Variants in GPC6 observed in about 807,000 individuals in gnomAD.
GPC6 encodes the protein glypican-6.
GPC6 carries 14 observed loss-of-function variants against 55.2 expected under a neutral mutation model. The observed-to-expected ratio is 0.25, with a 90% CI of 0.17 to 0.40. The LOEUF (loss-of-function observed/expected upper bound fraction) is 0.40. Among genes scored for constraint, GPC6 ranks in the 10% least tolerant of loss-of-function variants. The pLI, the probability that GPC6 is intolerant of heterozygous loss-of-function variation, is 1.00. For synonymous variants in GPC6, 278 were observed against 259.6 expected, an observed-to-expected ratio of 1.07 and a Z score of -0.68; for missense variants, 641 against 708.5, an observed-to-expected ratio of 0.90 and a Z score of 1.08.
At chr13:93,806,403 T>C (rs901544264) in intron 2 of GPC6, among the ~76,000 whole-genome samples, 1 of 152,206 alleles carries the variant, frequency 6.6e-6, no homozygotes, top group African/African-American at 2.4e-5. Flanking sequence ...AATGGCGCAG[T>C]CGCGGCTCAC....
intron 3 of GPC6, among the ~76,000 whole-genome samples, chr13:93,895,232 G>GTGTGTGTGTGTA (rs1477948797): frequency 1.4e-4 from 10 of 73,372 alleles, no homozygotes; most frequent in African/African-American, 5.6e-4. Flanking sequence ...ATGTGTGTGT[G>GTGTGTGTGTGTA]TGTATATATA....
intron 2 of GPC6, among the ~76,000 whole-genome samples, chr13:93,746,436 G>A (rs74586966): frequency 0.04 from 6,143 of 152,094 alleles, 407 homozygotes; most frequent in African/African-American, 0.14. Flanking sequence ...GCTGCTTTTC[G>A]GTAGAAATGT....
intron 4 of GPC6, among the ~76,000 whole-genome samples, chr13:94,065,321 T>C (rs570756635): frequency 3.9e-5 from 6 of 152,266 alleles, no homozygotes; most frequent in African/African-American, 1.4e-4. Flanking sequence ...AAATGAATGC[T>C]AGGCACTCAG....
At position 93,372,076 on chromosome 13, in the gene GPC6, C is replaced by T. The variant is rs1254486834; in HGVS notation, c.160+144460C>T. On this transcript the variant is annotated intron_variant, in intron 1 of 8. Transcript: ENST00000377047. ...AAGATACACTTTGGGATTAGCTTAA[C>T]TCTGATGGACTTTGCTTTCATTAAT... Among the ~76,000 whole-genome samples, 4 of 152,168 alleles carry T rather than the reference C, an allele frequency of 2.6e-5. No individual in the cohort carries two copies. The East Asian group carries it at 7.7e-4, about 29-fold the overall frequency.
intron 2 of GPC6, among the ~76,000 whole-genome samples, chr13:93,560,459 G>A (rs1023354895): frequency 3.9e-5 from 6 of 152,042 alleles, no homozygotes; most frequent in African/African-American, 1.4e-4. Flanking sequence ...GGTCCAGGCT[G>A]CAGTGACCCA....
intron 2 of GPC6, among the ~76,000 whole-genome samples, chr13:93,585,598 TG>T (rs1877156093): frequency 6.6e-6 from 1 of 152,248 alleles, no homozygotes; most frequent in Admixed American, 6.5e-5. Context: ...TTAATAATTT[TG>T]GTCTTCTTCA....
chr13:93,914,547 A>G (rs1877191512), intron 3 of GPC6, among the ~76,000 whole-genome samples: 1 of 152,344 alleles, frequency 6.6e-6, no homozygotes, highest in Admixed American at 6.5e-5. Context: ...GATCCATTGA[A>G]GTTAAAGACC....
At chr13:94,289,387 C>T (rs1874818585) in intron 5 of GPC6, among the ~76,000 whole-genome samples, 1 of 152,138 alleles carries the variant, frequency 6.6e-6, no homozygotes, top group Non-Finnish European at 1.5e-5. Flanking sequence ...TCACTTAAAA[C>T]TAAAAGAGCT....
intron 5 of GPC6, among the ~76,000 whole-genome samples, chr13:94,300,814 T>C (rs1875610020): frequency 6.6e-6 from 1 of 152,206 alleles, no homozygotes; most frequent in East Asian, 1.9e-4. Flanking sequence ...TAAGTTGGCT[T>C]ATCCTGCAGC....
At chr13:93,560,643 C>T (rs1875731867) in intron 2 of GPC6, among the ~76,000 whole-genome samples, 1 of 151,810 alleles carries the variant, frequency 6.6e-6, no homozygotes, top group African/African-American at 2.4e-5. Flanking sequence ...ATCATGAGGT[C>T]AGGAGATCGA....
chr13:93,420,940 A>G (rs1876899858), intron 1 of GPC6, among the ~76,000 whole-genome samples: 1 of 152,104 alleles, frequency 6.6e-6, no homozygotes, highest in African/African-American at 2.4e-5. Flanking sequence ...TGTCAGGGTC[A>G]TGGTGGATCC....
chr13:93,480,142 C>G (rs372512203), intron 1 of GPC6, among the ~76,000 whole-genome samples: 2 of 152,166 alleles, frequency 1.3e-5, no homozygotes, highest in South Asian at 2.1e-4. Context: ...GCTTTTGTCT[C>G]TGTGTCTCCA....
At chr13:93,915,927 G>A (rs1399667525) in intron 3 of GPC6, among the ~76,000 whole-genome samples, 10 of 152,278 alleles carry the variant, frequency 6.6e-5, no homozygotes, top group South Asian at 6.2e-4. Context: ...TGGAAGTGCC[G>A]GGAAAAGAGC....
In GPC6 at chr13:94,040,153, C is replaced by A. The variant is rs1015591513; in HGVS notation, c.877+12259C>A. 5.9e-5 allele frequency among the ~76,000 whole-genome samples: 9 copies of A among 151,750 alleles called. No homozygotes were observed. In the South Asian group the frequency reaches 1.9e-3, roughly 31 times the overall value. On this transcript the variant is annotated intron_variant, in intron 4 of 8. Coordinates refer to ENST00000377047, the MANE Select transcript of GPC6 (RefSeq NM_005708.5). ...AAATCTAGAATTACGTTCTTCTGGC[C>A]ATTACCAAGTTCTAGATTTTAAGCT...
At chr13:93,255,529 C>G (rs537418220) in intron 1 of GPC6, among the ~76,000 whole-genome samples, 1 of 152,088 alleles carries the variant, frequency 6.6e-6, no homozygotes, top group African/African-American at 2.4e-5. Flanking sequence ...GTTTTTTTCC[C>G]CCTACATGGA....
intron 1 of GPC6, among the ~76,000 whole-genome samples, chr13:93,541,846 T>C (rs1414341362): frequency 6.6e-6 from 1 of 151,328 alleles, no homozygotes; most frequent in East Asian, 2.0e-4. Flanking sequence ...TGTCTGTTCA[T>C]GTCCTTTGCC....
chr13:94,404,789 A>G lies in GPC6; in HGVS notation c.*1572A>G, dbSNP rs916900933. 13 of 152,222 alleles carry G rather than the reference A, an allele frequency of 8.5e-5. No individual in the cohort carries two copies. Among genetic ancestry groups the G allele is most frequent in the African/African-American group, 2.9e-4 (12 of 41,472 alleles). 9.4% of individuals were successfully genotyped at this position (152,222 alleles called of 1,614,324 possible). ...GCACTTGGATACATTACCTAACTCA[A>G]TAGGCCAGTTTAGAGCCACAGCCTA... On this transcript the variant is annotated 3_prime_UTR_variant, in exon 9 of 9. Transcript: ENST00000377047.
chr13:93,600,090 C>T (rs919443262), intron 2 of GPC6, among the ~76,000 whole-genome samples: 2 of 152,194 alleles, frequency 1.3e-5, no homozygotes, highest in Non-Finnish European at 2.9e-5. Context: ...TACGCTTTCT[C>T]ATTCTTATAA....
At chr13:93,626,611 G>T (rs1879209485) in intron 2 of GPC6, among the ~76,000 whole-genome samples, 1 of 152,040 alleles carries the variant, frequency 6.6e-6, no homozygotes, top group Admixed American at 6.6e-5. Context: ...AGACCAGCCT[G>T]GCCAATATGG....
Sources: allele counts gnomAD v4.1 joint callset (sites outside exome capture counted in the v4.1 genomes callset), GRCh38; gene constraint gnomAD v4.1.1; transcripts MANE v1.5; gene names NCBI Gene and HGNC (gene_info 2026-07-23, HGNC 2026-07-21).